The following SOX6 variants were observed in gnomAD, a reference collection of about 807,000 sequenced individuals.
SOX6 encodes SRY-box transcription factor 6.
A neutral mutation model predicts 97.8 loss-of-function variants in SOX6; 11 were observed. That is an observed-to-expected ratio of 0.11 (90% confidence interval 0.07 to 0.19). SOX6 has a LOEUF of 0.19. Ranked by LOEUF, SOX6 falls within the 10% of genes least tolerant of loss-of-function variation. SOX6 has a pLI of 1.00. For missense variants in SOX6, 810 were observed against 1,039.5 expected (o/e 0.78, Z 3.04); for synonymous variants, 360 against 371.4 (o/e 0.97, Z 0.35).
chr11:16,547,559 C>A (rs1313764724), intron 4 of SOX6, among the ~76,000 whole-genome samples: 1 of 152,132 alleles, frequency 6.6e-6, no homozygotes, highest in Non-Finnish European at 1.5e-5. Context: ...ACAAATACTG[C>A]ATGTTCTCAC....
chr11:16,019,832 C>T (rs1287113502), intron 12 of SOX6, among the ~76,000 whole-genome samples: 1 of 151,966 alleles, frequency 6.6e-6, no homozygotes, highest in Non-Finnish European at 1.5e-5. Flanking sequence ...ATTCCTGACG[C>T]AGAATTTTCT....
chr11:16,682,462 C>G (rs1034684002), intron 3 of SOX6, among the ~76,000 whole-genome samples: 2 of 152,220 alleles, frequency 1.3e-5, no homozygotes, highest in Non-Finnish European at 2.9e-5. Context: ...TAATCCATCA[C>G]ATAAACAGAA....
chr11:16,306,033 T>C lies in SOX6; in HGVS notation c.445+12413A>G, dbSNP rs1814985739. Reference sequence around the variant, plus strand: ...AAAACTGTTCAGCATTTGACTGTTGTAGTGGATACATGAACCTAAATAGGT... The same window carrying C: ...AAAACTGTTCAGCATTTGACTGTTGCAGTGGATACATGAACCTAAATAGGT... On this transcript the variant is annotated intron_variant, in intron 3 of 15. Coordinates refer to ENST00000683767, the MANE Select transcript of SOX6 (RefSeq NM_001367873.1). Among the ~76,000 whole-genome samples, 4 of 152,140 alleles carry C rather than the reference T, an allele frequency of 2.6e-5. No homozygotes were observed. In the South Asian group the frequency reaches 8.3e-4, roughly 32 times the overall value.
intron 6 of SOX6, among the ~76,000 whole-genome samples, chr11:16,129,828 A>AC (rs544096754): frequency 7.1e-4 from 108 of 152,230 alleles, no homozygotes; most frequent in African/African-American, 2.5e-3. Context: ...TATATTTGAA[A>AC]CACCTACAGC....
chr11:16,446,329 T>C (rs559176356), intron 1 of SOX6, among the ~76,000 whole-genome samples: 2 of 152,188 alleles, frequency 1.3e-5, no homozygotes, highest in East Asian at 3.9e-4. Context: ...AATAGCCTAC[T>C]ATTAAATTTA....
At chr11:16,597,363 ATACAG>A (rs777605647) in intron 4 of SOX6, among the ~76,000 whole-genome samples, 8 of 151,440 alleles carry the variant, frequency 5.3e-5, no homozygotes, top group Non-Finnish European at 1.0e-4. Context: ...TTAAATATAT[ATACAG>A]TAGCTTCAAA....
chr11:16,131,036 T>G (rs1420828443), intron 6 of SOX6, among the ~76,000 whole-genome samples: 1 of 151,778 alleles, frequency 6.6e-6, no homozygotes, highest in Non-Finnish European at 1.5e-5. Context: ...AGAAAATCTT[T>G]GTGACATTGT....
At chr11:16,473,147 T>C (rs944178340) in intron 1 of SOX6, among the ~76,000 whole-genome samples, 6 of 152,240 alleles carry the variant, frequency 3.9e-5, no homozygotes, top group Admixed American at 3.9e-4. Context: ...ACCTTTGTTC[T>C]CCAAAATATT....
At chr11:16,061,725 T>TA (rs1847961646) in intron 9 of SOX6, among the ~76,000 whole-genome samples, 1 of 151,622 alleles carries the variant, frequency 6.6e-6, no homozygotes, top group Non-Finnish European at 1.5e-5. Flanking sequence ...AATAGAGAAC[T>TA]CAGAAATAAA....
chr11:16,499,954 AT>A (rs1292376905), intron 4 of SOX6, among the ~76,000 whole-genome samples: 1 of 152,230 alleles, frequency 6.6e-6, no homozygotes, highest in Admixed American at 6.5e-5. Flanking sequence ...TCCCTAACTC[AT>A]TTTATGAGGC....
At chr11:16,449,440 C>T (rs558176037) in intron 1 of SOX6, among the ~76,000 whole-genome samples, 176 of 151,444 alleles carry the variant, frequency 1.2e-3, no homozygotes, top group African/African-American at 3.8e-3. Flanking sequence ...TTACAGGCGC[C>T]CGCTACCATG....
chr11:16,132,401 A>AGAAGAAAG (rs34012369), intron 6 of SOX6, among the ~76,000 whole-genome samples: 1 of 43,836 alleles, frequency 2.3e-5, no homozygotes, highest in African/African-American at 1.1e-4. Context: ...AAAGAAAGAA[A>AGAAGAAAG]AAAGAAAGAA....
chr11:16,440,458 G>A (rs1250185703), intron 1 of SOX6, among the ~76,000 whole-genome samples: 1 of 152,152 alleles, frequency 6.6e-6, no homozygotes, highest in African/African-American at 2.4e-5. Flanking sequence ...TTATGGCAAT[G>A]AGTGAAGCCA....
chr11:16,369,336 T>A (rs1403690135), intron 1 of SOX6, among the ~76,000 whole-genome samples: 2 of 152,134 alleles, frequency 1.3e-5, no homozygotes, highest in East Asian at 3.9e-4. Context: ...TTTCCACCAG[T>A]CTCCCTTACT....
In SOX6 at chr11:16,317,254, T is replaced by C. The variant is rs575366856; in HGVS notation, c.445+1192A>G. The C allele has an allele frequency of 1.5e-4, 22 of 151,036 alleles. No individual in the cohort carries two copies. In the South Asian group the frequency reaches 1.7e-3, roughly 11 times the overall value. The allele number at this position is 151,036 out of a possible 1,614,324, so 9.4% of individuals were successfully genotyped here. A position where few individuals can be genotyped will look rare whatever the true frequency, so the allele number is the denominator to read the frequency against. ...TGACATTTATAATATATCAGTTATATATGTTATATATAATATAATACAATA... is the reference window on the plus strand; with the variant it reads ...TGACATTTATAATATATCAGTTATACATGTTATATATAATATAATACAATA... On this transcript the variant is annotated intron_variant, in intron 3 of 15. Coordinates refer to ENST00000683767, the MANE Select transcript of SOX6 (RefSeq NM_001367873.1).
chr11:16,294,685 T>G (rs1855017745), intron 3 of SOX6, among the ~76,000 whole-genome samples: 1 of 152,108 alleles, frequency 6.6e-6, no homozygotes, highest in African/African-American at 2.4e-5. Flanking sequence ...GCTTTGAAGT[T>G]TAATGACACT....
intron 3 of SOX6, among the ~76,000 whole-genome samples, chr11:16,670,207 C>A (rs1359921704): frequency 1.3e-5 from 2 of 152,144 alleles, no homozygotes; most frequent in Non-Finnish European, 2.9e-5. Context: ...AGTAACAGTT[C>A]TATCCCTGAT....
Position 16,252,191 on chromosome 11 carries a change from C to T in SOX6, c.446-17520G>A, listed in dbSNP as rs371736627. Among the ~76,000 whole-genome samples, 6 of 152,138 alleles carry T rather than the reference C, an allele frequency of 3.9e-5. No homozygotes were observed. The East Asian group carries it at 5.8e-4, about 15-fold the overall frequency. On this transcript the variant is annotated intron_variant, in intron 3 of 15. Coordinates refer to ENST00000683767, the MANE Select transcript of SOX6 (RefSeq NM_001367873.1). ...CAAAAAGAACATATCGTAGACTTCC[C>T]GTTTCCAGTCCAGCATATAAGGAAC...
At chr11:16,228,559 T>C (rs905709070) in intron 4 of SOX6, among the ~76,000 whole-genome samples, 5 of 152,046 alleles carry the variant, frequency 3.3e-5, no homozygotes, top group African/African-American at 4.8e-5. Flanking sequence ...GTTGCAGGTA[T>C]GTAGGATGAA....
Sources: allele counts gnomAD v4.1 joint callset (sites outside exome capture counted in the v4.1 genomes callset), GRCh38; gene constraint gnomAD v4.1.1; transcripts MANE v1.5; gene names NCBI Gene and HGNC (gene_info 2026-07-23, HGNC 2026-07-21).